ARHGEF39: variants seen among roughly 807,000 people sequenced by gnomAD.
The protein encoded by ARHGEF39 is Rho guanine nucleotide exchange factor (GEF) 39.
ARHGEF39 carries 45 observed loss-of-function variants against 47.5 expected under a neutral mutation model. The observed-to-expected ratio is 0.95, with a 90% CI of 0.75 to 1.22. The LOEUF is 1.22. ARHGEF39 is among the 50% of genes most tolerant of loss of function. The probability of loss-of-function intolerance (pLI) is 0.00; values close to 1 mark genes in which losing one functional copy is unlikely to be tolerated. For missense variants in ARHGEF39, 411 were observed against 425.3 expected, an observed-to-expected ratio of 0.97 and a Z score of 0.30; for synonymous variants, 164 against 167.8, an observed-to-expected ratio of 0.98 and a Z score of 0.17.
At chr9:35,663,216 T>C in intron 5 of ARHGEF39, 106 bp downstream of exon 5, 1 of 1,544,252 alleles carries the variant, frequency 6.5e-7, no homozygotes, top group Non-Finnish European at 9.0e-7. Flanking sequence ...ACTGTATACA[T>C]GTCAGTGGAA....
rs1232356702 is a variant in ARHGEF39, at chr9:35,661,486, G to A, written c.*501C>T. ...ACTCAAATCCAGTGGAAAAATAAAT[G>A]ATAGAAACTATACACAACATAAAAA... On this transcript the variant is annotated 3_prime_UTR_variant, in exon 9 of 9. Coordinates refer to ENST00000378387, the MANE Select transcript of ARHGEF39 (RefSeq NM_032818.3). 1 of 470,610 alleles carries A rather than the reference G, an allele frequency of 2.1e-6. No individual in the cohort carries two copies. The highest frequency in any genetic ancestry group is 3.8e-5 in the Admixed American group (1 of 26,406). 29.2% of individuals were successfully genotyped at this position (470,610 alleles called of 1,614,324 possible). A position where few individuals can be genotyped will look rare whatever the true frequency, so the allele number is the denominator to read the frequency against.
At position 35,661,511 on chromosome 9, in the gene ARHGEF39, A is replaced by T; in HGVS notation, c.*476T>A. ...GATAGAAACTATACACAACATAAAA[A>T]TAGCCACATTTACAAAGCTGCAGCC... On this transcript the variant is annotated 3_prime_UTR_variant, in exon 9 of 9. Coordinates refer to ENST00000378387, the MANE Select transcript of ARHGEF39 (RefSeq NM_032818.3). 2.2e-6 allele frequency: 1 copy of T among 446,912 alleles called. No homozygotes were observed. The highest frequency in any genetic ancestry group is 3.9e-6 in the Non-Finnish European group (1 of 255,220). 27.7% of individuals were successfully genotyped at this position (446,912 alleles called of 1,614,324 possible).
chr9:35,664,901 C>T (rs765706651), intron 1 of ARHGEF39, 51 bp from the exon 2 acceptor site: 2 of 1,577,798 alleles, frequency 1.3e-6, no homozygotes, highest in South Asian at 1.1e-5. Context: ...AGAAGGCTAA[C>T]GCCAAGCGCC....
chr9:35,660,579 A>G lies in ARHGEF39; in HGVS notation c.*1408T>C. On this transcript the variant is annotated 3_prime_UTR_variant, in exon 9 of 9. Transcript: ENST00000378387. ...CAGAGCAACAGCTGGCCCAGTTGAC[A>G]CAACAGCTGGCCCAGACAGAGCAGC... 8 of 1,614,124 alleles carry G rather than the reference A, an allele frequency of 5.0e-6. No individual in the cohort carries two copies. Among genetic ancestry groups the G allele is most frequent in the Non-Finnish European group, 5.9e-6 (7 of 1,179,998 alleles).
chr9:35,663,633 G>A (rs1824091657), intron 4 of ARHGEF39, among the ~76,000 whole-genome samples: 1 of 152,196 alleles, frequency 6.6e-6, no homozygotes, highest in African/African-American at 2.4e-5. Flanking sequence ...CAGATTGGAA[G>A]ATGAAAGTTT....
intron 4 of ARHGEF39, among the ~76,000 whole-genome samples, 176 bp from the exon 5 acceptor site, chr9:35,663,568 C>G (rs1386280815): frequency 1.3e-5 from 2 of 152,158 alleles, no homozygotes; most frequent in Non-Finnish European, 2.9e-5. Context: ...ACCACACAGC[C>G]CTCTTCCATC....
intron 2 of ARHGEF39, 110 bp from the exon 3 acceptor site, chr9:35,664,602 A>T (rs1301778738): frequency 1.3e-6 from 2 of 1,490,630 alleles, no homozygotes; most frequent in African/African-American, 1.4e-5. Context: ...CATTGTACAG[A>T]TGGAGAACAA....
intron 4 of ARHGEF39, among the ~76,000 whole-genome samples, chr9:35,663,618 G>A (rs1029234424): frequency 5.3e-5 from 8 of 152,144 alleles, no homozygotes; most frequent in Non-Finnish European, 8.8e-5. Flanking sequence ...CATACTTCAG[G>A]AGGCCAGATT....
intron 2 of ARHGEF39, 65 bp from the exon 3 acceptor site, chr9:35,664,557 T>A: frequency 6.5e-7 from 1 of 1,535,674 alleles, no homozygotes; most frequent in Non-Finnish European, 8.7e-7. Flanking sequence ...CATTTAGTTT[T>A]CATGAGAATA....
Position 35,662,174 on chromosome 9 carries a change from C to G in ARHGEF39, c.992+5G>C, listed in dbSNP as rs1459593193. On this transcript the variant is annotated splice_donor_5th_base_variant and intron_variant, in intron 8 of 8. Transcript: ENST00000378387. ...GCACCCTTCCTGGGGGAAGACACAA[C>G]TTACCTGATAGCCCAAGTCAGACTG... The G allele has an allele frequency of 6.2e-7, 1 of 1,613,968 alleles. No individual in the cohort carries two copies. Among genetic ancestry groups the G allele is most frequent in the Non-Finnish European group, 8.5e-7 (1 of 1,179,824 alleles).
At position 35,661,095 on chromosome 9, in the gene ARHGEF39, A is replaced by T; in HGVS notation, c.*892T>A. ...GGGGCGGGGACTACGGAGAAGGTGC[A>T]GCCAGGCTGTGGCAAAGGGCCCCAG... On this transcript the variant is annotated 3_prime_UTR_variant, in exon 9 of 9. Transcript: ENST00000378387. 1 of 1,614,200 alleles carries T rather than the reference A, an allele frequency of 6.2e-7. No homozygotes were observed. Among genetic ancestry groups the T allele is most frequent in the Non-Finnish European group, 8.5e-7 (1 of 1,180,028 alleles).
rs2131818358 is a variant in ARHGEF39, at chr9:35,660,101, T to C, written c.*1886A>G. ...CTCAGGTGATCCACCCACCTTGGCT[T>C]CCCGAAGTGCTGGGATTACAGGTGT... On this transcript the variant is annotated 3_prime_UTR_variant, in exon 9 of 9. Transcript: ENST00000378387. 1 of 237,550 alleles carries C rather than the reference T, an allele frequency of 4.2e-6. No homozygotes were observed. The highest frequency in any genetic ancestry group is 9.7e-5 in the East Asian group (1 of 10,320). 14.7% of individuals were successfully genotyped at this position (237,550 alleles called of 1,614,324 possible).
chr9:35,659,831 ACTGT>A lies in ARHGEF39; in HGVS notation c.*2152_*2155del, dbSNP rs1425453851. ...GGACAAATTTTGGCTTTGTGCATGA[ACTGT>A]CTAACAACCAAAGTTTTTGTTTTTT... On this transcript the variant is annotated 3_prime_UTR_variant, in exon 9 of 9. Coordinates refer to ENST00000378387, the MANE Select transcript of ARHGEF39 (RefSeq NM_032818.3). The A allele has an allele frequency of 2.6e-5, 4 of 152,408 alleles. No individual in the cohort carries two copies. The highest frequency in any genetic ancestry group is 2.1e-4 in the South Asian group (1 of 4,836). The allele number at this position is 152,408 out of a possible 1,614,324, so 9.4% of individuals were successfully genotyped here. A position where few individuals can be genotyped will look rare whatever the true frequency, so the allele number is the denominator to read the frequency against.
Position 35,660,844 on chromosome 9 carries a change from A to T in ARHGEF39, c.*1143T>A. 1 of 1,614,152 alleles carries T rather than the reference A, an allele frequency of 6.2e-7. No individual in the cohort carries two copies. Among genetic ancestry groups the T allele is most frequent in the Non-Finnish European group, 8.5e-7 (1 of 1,180,036 alleles). ...GATAGCAAGCCGGACAAGGATATGG[A>T]GGCTTCAGAACCAGGTGAAGGCTCG... On this transcript the variant is annotated 3_prime_UTR_variant, in exon 9 of 9. Coordinates refer to ENST00000378387, the MANE Select transcript of ARHGEF39 (RefSeq NM_032818.3).
At chr9:35,662,825 T>C in intron 6 of ARHGEF39, 84 bp from the exon 7 acceptor site, 1 of 1,527,246 alleles carries the variant, frequency 6.5e-7, no homozygotes, top group Non-Finnish European at 8.9e-7. Flanking sequence ...AAATAGGGGT[T>C]ATGTGCTGGG....
chr9:35,662,611 C>G lies in ARHGEF39; in HGVS notation c.804G>C (p.Arg268=). The change falls in exon 7 of 9, where the codon CGG becomes CGC. Residue 268 remains arginine, a synonymous_variant. Coordinates refer to ENST00000378387, the MANE Select transcript of ARHGEF39 (RefSeq NM_032818.3). ...GGGCCTTGCAGGCAAAGGTGCCACT[C>G]CGCAGCAGGTGCAGTGGAGGCCGAG... ...AKPRPPLHLL[R]SGTFACKALY... is the part of the protein sequence containing the mutation. 1 of 1,614,186 alleles carries G rather than the reference C, an allele frequency of 6.2e-7. No homozygotes were observed. Among genetic ancestry groups the G allele is most frequent in the Non-Finnish European group, 8.5e-7 (1 of 1,180,044 alleles).
Position 35,661,463 on chromosome 9 carries a change from T to C in ARHGEF39, c.*524A>G. 4.3e-6 allele frequency: 2 copies of C among 468,252 alleles called. No individual in the cohort carries two copies. The highest frequency in any genetic ancestry group is 1.1e-3 in the Middle Eastern group (2 of 1,810). The allele number at this position is 468,252 out of a possible 1,614,324, so 29.0% of individuals were successfully genotyped here. A position where few individuals can be genotyped will look rare whatever the true frequency, so the allele number is the denominator to read the frequency against. ...CCAAAAAAAAGAAAAAAAACTTTAC[T>C]CAAATCCAGTGGAAAAATAAATGAT... On this transcript the variant is annotated 3_prime_UTR_variant, in exon 9 of 9. Transcript: ENST00000378387.
At position 35,661,819 on chromosome 9, in the gene ARHGEF39, TTTTAA is replaced by T. The variant is rs1187187404; in HGVS notation, c.*163_*167del. ...ATGAGCCACTGTGCCTGGCCGTGAT[TTTTAA>T]GAGTTGGTCAGATGATCTGGAGTAG... On this transcript the variant is annotated 3_prime_UTR_variant, in exon 9 of 9. Transcript: ENST00000378387. The T allele has an allele frequency of 1.3e-5, 10 of 779,270 alleles. No individual in the cohort carries two copies. Among genetic ancestry groups the T allele is most frequent in the Non-Finnish European group, 2.0e-5 (10 of 490,520 alleles). 48.3% of individuals were successfully genotyped at this position (779,270 alleles called of 1,614,324 possible). A position where few individuals can be genotyped will look rare whatever the true frequency, so the allele number is the denominator to read the frequency against.
At chr9:35,662,393 T>C in intron 7 of ARHGEF39, 119 bp downstream of exon 7, 1 of 1,378,230 alleles carries the variant, frequency 7.3e-7, no homozygotes, top group Non-Finnish European at 1.0e-6. Context: ...GAGCCCCAGC[T>C]ATCCTCTCTC....
Sources: allele counts gnomAD v4.1 joint callset (sites outside exome capture counted in the v4.1 genomes callset), GRCh38; gene constraint gnomAD v4.1.1; transcripts MANE v1.5; gene names NCBI Gene and HGNC (gene_info 2026-07-23, HGNC 2026-07-21).